ADAMTS18: variants seen among roughly 807,000 people sequenced by gnomAD.
ADAMTS18 encodes A disintegrin and metalloproteinase with thrombospondin motifs 18.
Under a neutral mutation model 165.9 loss-of-function variants are expected in ADAMTS18, and 157 were observed. That is an observed-to-expected ratio of 0.95 (90% confidence interval 0.83 to 1.08). The LOEUF is 1.08. Among genes scored for constraint, ADAMTS18 ranks in the 50% least tolerant of loss-of-function variants. ADAMTS18 has a pLI of 0.00. For missense variants in ADAMTS18, 2,040 were observed against 1,534.0 expected, an observed-to-expected ratio of 1.33 and a Z score of -5.51; for synonymous variants, 782 against 578.2, an observed-to-expected ratio of 1.35 and a Z score of -5.06.
At chr16:77,367,326 A>T in intron 4 of ADAMTS18, 115 bp downstream of exon 4, 1 of 1,149,036 alleles carries the variant, frequency 8.7e-7, no homozygotes, top group East Asian at 2.4e-5. Flanking sequence ...CTACACCAAG[A>T]CAGATGCTCA....
At chr16:77,301,312 C>T (rs533280234) in intron 16 of ADAMTS18, among the ~76,000 whole-genome samples, 1 of 151,324 alleles carries the variant, frequency 6.6e-6, no homozygotes, top group Non-Finnish European at 1.5e-5. Context: ...AGAACTTGTG[C>T]AAGATCACAC....
At chr16:77,409,798 C>A (rs1171097027) in intron 3 of ADAMTS18, among the ~76,000 whole-genome samples, 1 of 151,988 alleles carries the variant, frequency 6.6e-6, no homozygotes, top group African/African-American at 2.4e-5. Context: ...TAATAGAAAT[C>A]TTTCTTGTGC....
At chr16:77,393,647 A>G (rs1221674586) in intron 3 of ADAMTS18, among the ~76,000 whole-genome samples, 1 of 152,206 alleles carries the variant, frequency 6.6e-6, no homozygotes, top group Non-Finnish European at 1.5e-5. Context: ...TCTATAACCC[A>G]GAAGAGGGCC....
chr16:77,363,780 A>G (rs2056750646), intron 6 of ADAMTS18, 22 bp downstream of exon 6: 7 of 1,606,072 alleles, frequency 4.4e-6, no homozygotes, highest in South Asian at 1.1e-5. Flanking sequence ...GAATGAAGAC[A>G]TAAATGAAGT....
rs1034466882 is a variant in ADAMTS18, at chr16:77,282,601, G to T, written c.*1355C>A. On this transcript the variant is annotated 3_prime_UTR_variant, in exon 23 of 23. Transcript: ENST00000282849. ...GAGACTTTTTAAAGAAGTAAAATTG[G>T]GTTACATTCATCAAAGAAGTTGAGG... 2.0e-5 allele frequency: 3 copies of T among 152,642 alleles called. No homozygotes were observed. The South Asian group carries it at 6.2e-4, about 32-fold the overall frequency. The allele number at this position is 152,642 out of a possible 1,614,324, so 9.5% of individuals were successfully genotyped here.
At chr16:77,364,672 G>A (rs1310708783) in intron 4 of ADAMTS18, among the ~76,000 whole-genome samples, 1 of 147,076 alleles carries the variant, frequency 6.8e-6, no homozygotes, top group Non-Finnish European at 1.5e-5. Context: ...TGGGTAGGTG[G>A]GTAGAAATAA....
intron 12 of ADAMTS18, among the ~76,000 whole-genome samples, chr16:77,331,052 A>C (rs2056180854): frequency 6.6e-6 from 1 of 152,234 alleles, no homozygotes; most frequent in Non-Finnish European, 1.5e-5. Context: ...GAGTTAAAGT[A>C]AACAGTATCC....
rs2056090134 is a variant in ADAMTS18 at position 77,326,028 on chromosome 16, C to G, written c.1870G>C (p.Gly624Arg). The part of the protein sequence containing the change: ...RHCNNPKPQY[G>R]GLFCPGSSRI... ...CTAGAACCTGGACAGAATAAGCCAC[C>G]ATACTGAGGCCTGAAAATGAAATTA... is the stretch of plus-strand genomic sequence containing the variant. Residue 624 changes from glycine to arginine, a missense_variant, in exon 13 of 23, where the codon GGT becomes CGT. Gly to Arg is a moderately radical substitution (Grantham distance 125). Transcript: ENST00000282849. 1 of 1,613,728 alleles carries G rather than the reference C, an allele frequency of 6.2e-7. No individual in the cohort carries two copies. Among genetic ancestry groups the G allele is most frequent in the Non-Finnish European group, 8.5e-7 (1 of 1,179,760 alleles).
At chr16:77,364,762 A>AAAAGGAAAGC (rs1364422473) in intron 4 of ADAMTS18, among the ~76,000 whole-genome samples, 10 of 150,510 alleles carry the variant, frequency 6.6e-5, no homozygotes, top group African/African-American at 2.0e-4. Context: ...AAGAAGAAAG[A>AAAAGGAAAGC]AAAGGAAAGC....
At chr16:77,291,004 G>T in intron 21 of ADAMTS18, 1 of 422,580 alleles carries the variant, frequency 2.4e-6, no homozygotes, top group African/African-American at 2.0e-5. Context: ...CTGGCCTGGT[G>T]GTAAGTGTTT....
chr16:77,349,715 A>C (rs1597154764), intron 10 of ADAMTS18, among the ~76,000 whole-genome samples: 1 of 152,102 alleles, frequency 6.6e-6, no homozygotes, highest in Non-Finnish European at 1.5e-5. Flanking sequence ...TGCATCCTTA[A>C]CTTTGGCAGA....
chr16:77,361,094 TA>T (rs35200412), intron 7 of ADAMTS18, among the ~76,000 whole-genome samples: 81,362 of 151,758 alleles, frequency 0.54, 22,315 homozygotes, highest in Non-Finnish European at 0.59. Flanking sequence ...CTCAAAAAAA[TA>T]AAAAAAATTC....
chr16:77,328,956 T>C (rs2056141488), intron 12 of ADAMTS18, among the ~76,000 whole-genome samples: 1 of 152,224 alleles, frequency 6.6e-6, no homozygotes, highest in African/African-American at 2.4e-5. Flanking sequence ...AGCTCAGGCC[T>C]GTGGACTCAG....
intron 2 of ADAMTS18, 131 bp from the exon 3 acceptor site, chr16:77,431,742 A>G (rs904322235): frequency 2.1e-6 from 2 of 970,504 alleles, no homozygotes; most frequent in East Asian, 2.4e-5. Context: ...ACCTAGATCA[A>G]ATATAATTCA....
In ADAMTS18 at chr16:77,294,979, G is replaced by A. The variant is rs747219080; in HGVS notation, c.2950C>T (p.Gln984Ter). The A allele has an allele frequency of 6.2e-7, 1 of 1,614,136 alleles. No homozygotes were observed. The highest frequency in any genetic ancestry group is 8.5e-7 in the Non-Finnish European group (1 of 1,180,016). Residue 984 changes from glutamine (Q) to a stop codon, truncating the protein, a stop_gained, in exon 19 of 23, where the codon CAA (glutamine) becomes TAA (stop). Coordinates refer to ENST00000282849, the MANE Select transcript of ADAMTS18 (RefSeq NM_199355.4). LOFTEE classifies it high-confidence loss of function. ...GGGCAGGCATGGCTGTTGCAGGCTT[G>A]GACCTGAGTGGGTGTGCTCACTGGA... Reference protein sequence around the residue: ...LCPVSTPTQVQACNSHACPPQ... With the variant: ...LCPVSTPTQV
intron 7 of ADAMTS18, 140 bp downstream of exon 7, chr16:77,361,965 C>T: frequency 1.0e-6 from 1 of 956,146 alleles, no homozygotes; most frequent in Non-Finnish European, 1.6e-6. Context: ...ATAGTCACCA[C>T]AGGGTACATT....
chr16:77,303,649 T>C (rs1426531279), intron 16 of ADAMTS18, among the ~76,000 whole-genome samples: 11 of 151,942 alleles, frequency 7.2e-5, no homozygotes, highest in African/African-American at 2.7e-4. Context: ...AAAAATGACT[T>C]TCGGGAGGGG....
intron 3 of ADAMTS18, among the ~76,000 whole-genome samples, chr16:77,397,433 G>A (rs927793849): frequency 6.6e-6 from 1 of 152,084 alleles, no homozygotes; most frequent in Non-Finnish European, 1.5e-5. Flanking sequence ...TCATTCAGCA[G>A]ATGTTATATT....
At chr16:77,405,364 T>C (rs190054783) in intron 3 of ADAMTS18, among the ~76,000 whole-genome samples, 21 of 152,290 alleles carry the variant, frequency 1.4e-4, no homozygotes, top group Non-Finnish European at 1.6e-4. Flanking sequence ...CTGCATCCAA[T>C]TCAGCTCTCA....
Sources: gnomAD v4.1 joint callset for allele counts (sites outside exome capture counted in the v4.1 genomes callset) on GRCh38, gnomAD v4.1.1 for gene constraint, MANE v1.5 for transcripts, NCBI Gene and HGNC (gene_info 2026-07-23, HGNC 2026-07-21) for gene names.